OTOG: variants seen among roughly 807,000 people sequenced by gnomAD.
OTOG encodes the protein otogelin.
OTOG carries 296 observed loss-of-function variants against 313.8 expected under a neutral mutation model. The observed-to-expected ratio is 0.94, with a 90% confidence interval of 0.86 to 1.04. The LOEUF is 1.04. OTOG is among the 50% of genes least tolerant of loss of function. The pLI, the probability that OTOG is intolerant of heterozygous loss-of-function variation, is 0.00. For synonymous variants in OTOG, 1,533 were observed against 1,554.9 expected, an observed-to-expected ratio of 0.99 and a Z score of 0.33; for missense variants, 3,948 against 3,840.1, an observed-to-expected ratio of 1.03 and a Z score of -0.74.
rs1406273357 is a variant in OTOG, at chr11:17,574,822, G to A, written c.2396G>A (p.Gly799Asp). The A allele has an allele frequency of 6.4e-7, 1 of 1,550,422 alleles. No individual in the cohort carries two copies. ...ASPEACGVDG[G>D]DDLSRDECVE... ...CCTGAGGCCTGTGGGGTTGATGGTGGCGATGACCTGAGCAGAGACGAGTGT... is the reference window on the plus strand; with the variant it reads ...CCTGAGGCCTGTGGGGTTGATGGTGACGATGACCTGAGCAGAGACGAGTGT... Residue 799 changes from glycine to aspartate, a missense_variant, in exon 20 of 56, where the codon GGC becomes GAC. Transcript: ENST00000399397.
In OTOG at chr11:17,555,346, G is replaced by A. The variant is rs548805319; in HGVS notation, c.541-433G>A. Among the ~76,000 whole-genome samples, 5 of 152,216 alleles carry A rather than the reference G, an allele frequency of 3.3e-5. No homozygotes were observed. In the East Asian group the frequency reaches 7.7e-4, roughly 23 times the overall value. On this transcript the variant is annotated intron_variant, in intron 6 of 55. Coordinates refer to ENST00000399397, the MANE Select transcript of OTOG (RefSeq NM_001292063.2). The stretch of plus-strand genomic sequence containing the variant: ...TGTGTGTATAGTGTGTGCACTGAGA[G>A]TGTCATGGGAGAAATTTATGGGGTG...
rs1008710069 is a variant in OTOG at position 17,612,636 on chromosome 11, C to G, written c.6309C>G (p.Phe2103Leu). 6.4e-7 allele frequency: 1 copy of G among 1,550,614 alleles called. No individual in the cohort carries two copies. The highest frequency in any genetic ancestry group is 1.4e-5 in the African/African-American group (1 of 73,160). The change falls in exon 38 of 56, where the codon TTC becomes TTG. Residue 2103 changes from phenylalanine to leucine, a missense_variant. Transcript: ENST00000399397. ...LWECACRCSI[F>L]PDLSFVTFDG... ...CTCCCCCAGGCCGGTGCTCAATCTTCCCTGACCTGAGCTTCGTGACCTTCG... is the reference window on the plus strand; with the variant it reads ...CTCCCCCAGGCCGGTGCTCAATCTTGCCTGACCTGAGCTTCGTGACCTTCG...
At position 17,602,892 on chromosome 11, in the gene OTOG, G is replaced by C. The variant is rs531526575; in HGVS notation, c.3877+515G>C. On this transcript the variant is annotated intron_variant, in intron 32 of 55. Transcript: ENST00000399397. ...ACAGTCCCATCGAGGAGACAGACGT[G>C]CCCAAAGGCGGAACACGGGGGAGGG... is the stretch of plus-strand genomic sequence containing the variant. 3.3e-5 allele frequency among the ~76,000 whole-genome samples: 5 copies of C among 152,218 alleles called. No homozygotes were observed. In the South Asian group the frequency reaches 1.0e-3, roughly 32 times the overall value.
At chr11:17,569,402 C>T in intron 16 of OTOG, 114 bp downstream of exon 16, 1 of 1,397,670 alleles carries the variant, frequency 7.2e-7, no homozygotes, top group Non-Finnish European at 9.7e-7. Context: ...TATTCTAGTA[C>T]TGGGTAGATC....
chr11:17,560,651 C>G, intron 12 of OTOG, 58 bp from the exon 13 acceptor site: 2 of 1,305,684 alleles, frequency 1.5e-6, no homozygotes, highest in East Asian at 2.5e-5. Flanking sequence ...TGGGGAGCCA[C>G]GAATGGTTTG....
intron 23 of OTOG, among the ~76,000 whole-genome samples, chr11:17,585,446 T>C (rs578246324): frequency 1.4e-4 from 21 of 152,234 alleles, no homozygotes; most frequent in South Asian, 8.3e-4. Context: ...ATTGGTCTTT[T>C]CAAAGAACCA....
At position 17,559,668 on chromosome 11, in the gene OTOG, C is replaced by G; in HGVS notation, c.1342+6C>G. ...CGGCTGCTATTGCCCCAATGGTATG[C>G]TAGGGGCAGACGTAGGTGCCTGGCA... On this transcript the variant is annotated splice_donor_region_variant and intron_variant, in intron 12 of 55. Transcript: ENST00000399397. 1 of 1,550,468 alleles carries G rather than the reference C, an allele frequency of 6.4e-7. No homozygotes were observed. Among genetic ancestry groups the G allele is most frequent in the Non-Finnish European group, 8.7e-7 (1 of 1,146,978 alleles).
Position 17,570,349 on chromosome 11 carries a change from C to T in OTOG, c.1914C>T (p.Gly638=). ...VDQRWVEDTV[G]LCGTFNGNTQ... ...AGCGATGGGTGGAGGATACCGTGGG[C>T]CTCTGCGGCACCTTCAATGGCAACA... The change falls in exon 17 of 56, where the codon GGC becomes GGT. Residue 638 remains glycine (G), a synonymous_variant. Transcript: ENST00000399397. 2 of 1,550,576 alleles carry T rather than the reference C, an allele frequency of 1.3e-6. No individual in the cohort carries two copies. Among genetic ancestry groups the T allele is most frequent in the Non-Finnish European group, 1.7e-6 (2 of 1,146,984 alleles).
intron 10 of OTOG, 25 bp from the exon 11 acceptor site, chr11:17,559,027 T>C: frequency 1.3e-6 from 2 of 1,533,666 alleles, no homozygotes; most frequent in Non-Finnish European, 1.8e-6. Context: ...TTTGTTCCAG[T>C]GTGACCCTTG....
intron 53 of OTOG, among the ~76,000 whole-genome samples, chr11:17,642,950 AC>A (rs1848005214): frequency 6.6e-6 from 1 of 152,152 alleles, no homozygotes; most frequent in Non-Finnish European, 1.5e-5. Flanking sequence ...CCCCCAACAC[AC>A]ACACTTATGT....
chr11:17,575,031 C>A, intron 20 of OTOG, 119 bp downstream of exon 20: 1 of 1,019,744 alleles, frequency 9.8e-7, no homozygotes. Context: ...CTCACAGTTG[C>A]AGGCCAGACC....
At chr11:17,575,970 C>T (rs1852514426) in intron 20 of OTOG, among the ~76,000 whole-genome samples, 1 of 152,188 alleles carries the variant, frequency 6.6e-6, no homozygotes, top group Non-Finnish European at 1.5e-5. Flanking sequence ...GAGGAGGAAA[C>T]ATAGCCTTTG....
Position 17,623,338 on chromosome 11 carries a change from C to T in OTOG, c.6529-5795C>T, listed in dbSNP as rs530010689. ...GTACACCCCAGTATCTGTTGTTCCC[C>T]TCTACCTGTCCATGTGCTCTCATCA... On this transcript the variant is annotated intron_variant, in intron 39 of 55. Transcript: ENST00000399397. Among the ~76,000 whole-genome samples, 5 of 152,238 alleles carry T rather than the reference C, an allele frequency of 3.3e-5. No individual in the cohort carries two copies. In the South Asian group the frequency reaches 1.0e-3, roughly 32 times the overall value.
At chr11:17,637,237 T>A (rs917686102) in intron 47 of OTOG, among the ~76,000 whole-genome samples, 2 of 152,182 alleles carry the variant, frequency 1.3e-5, no homozygotes, top group African/African-American at 4.8e-5. Flanking sequence ...TCTTTTTTTT[T>A]AAACTGGCTG....
At chr11:17,636,480 G>A (rs181834755) in intron 47 of OTOG, among the ~76,000 whole-genome samples, 1 of 152,210 alleles carries the variant, frequency 6.6e-6, no homozygotes, top group Non-Finnish European at 1.5e-5. Context: ...GTAGGAGAGG[G>A]GCTTCCACCA....
At chr11:17,548,557 T>C (rs529936486) in intron 3 of OTOG, among the ~76,000 whole-genome samples, 74 of 151,580 alleles carry the variant, frequency 4.9e-4, no homozygotes, top group African/African-American at 1.7e-3. Flanking sequence ...GAGTTCTCTT[T>C]TCCCTGACTG....
At chr11:17,621,987 G>A (rs781484094) in intron 39 of OTOG, among the ~76,000 whole-genome samples, 14 of 152,112 alleles carry the variant, frequency 9.2e-5, no homozygotes, top group Admixed American at 2.0e-4. Context: ...GGAGTCCTAT[G>A]AATGCAGGCG....
At chr11:17,566,455 T>A (rs1852295375) in intron 15 of OTOG, among the ~76,000 whole-genome samples, 1 of 152,214 alleles carries the variant, frequency 6.6e-6, no homozygotes, top group African/African-American at 2.4e-5. Flanking sequence ...TATATGCATA[T>A]CCATGTTTAT....
chr11:17,615,756 C>T (rs377721472), intron 39 of OTOG, among the ~76,000 whole-genome samples: 145 of 152,152 alleles, frequency 9.5e-4, no homozygotes, highest in African/African-American at 3.3e-3. Context: ...TGGAGAAACC[C>T]CTTCTCTACT....
Sources: gnomAD v4.1 joint callset for allele counts (sites outside exome capture counted in the v4.1 genomes callset) on GRCh38, gnomAD v4.1.1 for gene constraint, MANE v1.5 for transcripts, NCBI Gene and HGNC (gene_info 2026-07-23, HGNC 2026-07-21) for gene names.